Variants in LRP1B observed in about 807,000 individuals in gnomAD.
The protein encoded by LRP1B is LDL receptor related protein 1B, also known as low-density lipoprotein receptor-related protein 1B.
In LRP1B, 217 loss-of-function variants were observed where a neutral mutation model predicts 556.6. The observed-to-expected ratio is 0.39, with a 90% CI of 0.35 to 0.44. LRP1B has a LOEUF of 0.44. Ranked by LOEUF, LRP1B falls within the 20% of genes least tolerant of loss-of-function variation. The pLI is 1.00. For synonymous variants in LRP1B, 2,047 were observed against 1,865.8 expected, an observed-to-expected ratio of 1.10 and a Z score of -2.50; for missense variants, 5,053 against 5,620.8, an observed-to-expected ratio of 0.90 and a Z score of 3.23.
intron 2 of LRP1B, among the ~76,000 whole-genome samples, chr2:141,743,084 C>A (rs570825217): frequency 6.6e-6 from 1 of 152,004 alleles, no homozygotes; most frequent in South Asian, 2.1e-4. Context: ...ACTGTGGATG[C>A]CCCTTATTTC....
chr2:141,277,631 G>T (rs1685350547), intron 3 of LRP1B, among the ~76,000 whole-genome samples: 1 of 151,182 alleles, frequency 6.6e-6, no homozygotes, highest in South Asian at 2.1e-4. Flanking sequence ...ATATGGATGG[G>T]AGTATATATT....
intron 1 of LRP1B, among the ~76,000 whole-genome samples, chr2:141,823,764 G>C (rs955874139): frequency 6.6e-6 from 1 of 152,146 alleles, no homozygotes; most frequent in Non-Finnish European, 1.5e-5. Context: ...TGATCTCCAG[G>C]CTCAAGCAAT....
chr2:141,112,237 A>G (rs935034450), intron 7 of LRP1B, among the ~76,000 whole-genome samples: 62 of 152,280 alleles, frequency 4.1e-4, no homozygotes, highest in Admixed American at 3.9e-3. Context: ...ATTCATGAAC[A>G]TGCTCAGAAA....
chr2:141,417,596 C>G (rs1679948889), intron 3 of LRP1B, among the ~76,000 whole-genome samples: 1 of 151,948 alleles, frequency 6.6e-6, no homozygotes, highest in African/African-American at 2.4e-5. Context: ...ATGTATAAAC[C>G]ACATTTTCTT....
intron 66 of LRP1B, among the ~76,000 whole-genome samples, chr2:140,399,190 C>CACACACACACACAACA (rs1684389044): frequency 6.6e-6 from 1 of 151,498 alleles, no homozygotes; most frequent in Admixed American, 6.6e-5. Context: ...CACACACACA[C>CACACACACACACAACA]CACTTATTCA....
At chr2:140,971,629 T>C (rs75017146) in intron 18 of LRP1B, among the ~76,000 whole-genome samples, 23,125 of 152,158 alleles carry the variant, frequency 0.15, 1,818 homozygotes, top group South Asian at 0.19. Flanking sequence ...GGTCAGGAGA[T>C]CGAGACCATC....
At chr2:140,832,072 A>G (rs187793465) in intron 31 of LRP1B, among the ~76,000 whole-genome samples, 25 of 152,306 alleles carry the variant, frequency 1.6e-4, no homozygotes, top group African/African-American at 5.3e-4. Context: ...TGTTGGTGGG[A>G]AAGTAATTTA....
chr2:141,154,632 C>A (rs1230184531), intron 7 of LRP1B, among the ~76,000 whole-genome samples: 2 of 151,570 alleles, frequency 1.3e-5, no homozygotes, highest in Admixed American at 6.6e-5. Flanking sequence ...AGAATGTTTT[C>A]TAGATTTTTT....
chr2:141,375,444 G>C (rs1435354888), intron 3 of LRP1B, among the ~76,000 whole-genome samples: 1 of 152,116 alleles, frequency 6.6e-6, no homozygotes, highest in East Asian at 1.9e-4. Flanking sequence ...CTAGTGTGTT[G>C]TGGGTGATGG....
At chr2:141,004,505 C>A (rs777353830) in intron 15 of LRP1B, among the ~76,000 whole-genome samples, 1 of 152,022 alleles carries the variant, frequency 6.6e-6, no homozygotes, top group Non-Finnish European at 1.5e-5. Flanking sequence ...ACATTTGGAC[C>A]AGATGTACAC....
chr2:141,600,790 T>G (rs879699405), intron 2 of LRP1B, among the ~76,000 whole-genome samples: 1 of 152,146 alleles, frequency 6.6e-6, no homozygotes, highest in Admixed American at 6.5e-5. Context: ...GTTTTGTACC[T>G]GTGCCTACAA....
chr2:140,882,501 T>C (rs1482309885), intron 25 of LRP1B, among the ~76,000 whole-genome samples: 1 of 152,114 alleles, frequency 6.6e-6, no homozygotes, highest in East Asian at 1.9e-4. Flanking sequence ...AAGGCAGAAA[T>C]CCAGGGTCTT....
chr2:141,498,290 T>C (rs1242950516), intron 2 of LRP1B, among the ~76,000 whole-genome samples: 1 of 151,404 alleles, frequency 6.6e-6, no homozygotes, highest in Admixed American at 6.6e-5. Context: ...TACAACACTC[T>C]AACACCTTGT....
chr2:141,597,577 C>G (rs1036448261), intron 2 of LRP1B, among the ~76,000 whole-genome samples: 1 of 152,082 alleles, frequency 6.6e-6, no homozygotes, highest in African/African-American at 2.4e-5. Context: ...TGTTTTTGCC[C>G]AGACTGCATG....
intron 6 of LRP1B, among the ~76,000 whole-genome samples, chr2:141,191,817 C>G (rs944428101): frequency 6.6e-6 from 1 of 151,694 alleles, no homozygotes; most frequent in African/African-American, 2.4e-5. Context: ...GCTCAGAACT[C>G]ACTGTTACAA....
intron 66 of LRP1B, among the ~76,000 whole-genome samples, chr2:140,392,327 G>A (rs1468263768): frequency 6.6e-6 from 1 of 151,920 alleles, no homozygotes; most frequent in Non-Finnish European, 1.5e-5. Flanking sequence ...CAATCTAAAC[G>A]CTGAGTTTAT....
At chr2:141,548,505 A>G (rs1685631550) in intron 2 of LRP1B, among the ~76,000 whole-genome samples, 1 of 152,202 alleles carries the variant, frequency 6.6e-6, no homozygotes, top group Admixed American at 6.5e-5. Context: ...CCCAAAAGAC[A>G]TGCTGACCTT....
At chr2:141,544,618 A>C (rs575916645) in intron 2 of LRP1B, among the ~76,000 whole-genome samples, 1 of 151,522 alleles carries the variant, frequency 6.6e-6, no homozygotes, top group Non-Finnish European at 1.5e-5. Context: ...ACTTCTCCAC[A>C]CACTTTCACC....
At chr2:140,700,981 A>T (rs1376936445) in intron 40 of LRP1B, among the ~76,000 whole-genome samples, 1 of 152,134 alleles carries the variant, frequency 6.6e-6, no homozygotes, top group African/African-American at 2.4e-5. Context: ...GAAATAATGC[A>T]CTGCTTTAAA....
Sources: allele counts gnomAD v4.1 joint callset (sites outside exome capture counted in the v4.1 genomes callset), GRCh38; gene constraint gnomAD v4.1.1; transcripts MANE v1.5; gene names NCBI Gene and HGNC (gene_info 2026-07-23, HGNC 2026-07-21).